Variants in MACROD2 observed in about 807,000 individuals in gnomAD.
MACROD2 encodes the protein ADP-ribose glycohydrolase MACROD2.
A neutral mutation model predicts 70.4 loss-of-function variants in MACROD2; 36 were observed. The observed-to-expected ratio is 0.51, with a 90% CI of 0.39 to 0.68. The LOEUF (loss-of-function observed/expected upper bound fraction) is 0.68. MACROD2 is among the 30% of genes least tolerant of loss of function. The probability of loss-of-function intolerance (pLI) is 0.00; values close to 1 mark genes in which losing one functional copy is unlikely to be tolerated. For missense variants in MACROD2, 496 were observed against 538.4 expected, an observed-to-expected ratio of 0.92 and a Z score of 0.78; for synonymous variants, 172 against 178.8, an observed-to-expected ratio of 0.96 and a Z score of 0.30.
intron 6 of MACROD2, chr20:15,280,682 G>A (rs927483196): frequency 6.6e-6 from 1 of 152,184 alleles, no homozygotes; most frequent in Non-Finnish European, 1.5e-5. Flanking sequence ...ATAAAATTCA[G>A]CCAAGTTAAC....
chr20:14,168,801 T>C (rs1402733337), intron 3 of MACROD2, among the ~76,000 whole-genome samples: 1 of 152,178 alleles, frequency 6.6e-6, no homozygotes, highest in Non-Finnish European at 1.5e-5. Flanking sequence ...ACCAATCCTA[T>C]TGACACTATT....
At chr20:15,318,464 C>T (rs766715291) in intron 6 of MACROD2, among the ~76,000 whole-genome samples, 1 of 152,122 alleles carries the variant, frequency 6.6e-6, no homozygotes, top group East Asian at 1.9e-4. Context: ...TGTTCTAACT[C>T]ATTCTATGTG....
chr20:15,324,763 G>T (rs1327121838), intron 6 of MACROD2, among the ~76,000 whole-genome samples: 2 of 152,112 alleles, frequency 1.3e-5, no homozygotes, highest in Non-Finnish European at 2.9e-5. Context: ...AACCACAAGG[G>T]AAGTAGAAAA....
chr20:14,660,180 A>AT (rs1046105432), intron 4 of MACROD2, among the ~76,000 whole-genome samples: 38 of 152,232 alleles, frequency 2.5e-4, no homozygotes, highest in African/African-American at 8.7e-4. Context: ...AGTTTGCCAC[A>AT]TTTAGATGTC....
At chr20:14,020,677 C>T (rs575546418) in intron 2 of MACROD2, among the ~76,000 whole-genome samples, 1 of 152,198 alleles carries the variant, frequency 6.6e-6, no homozygotes, top group African/African-American at 2.4e-5. Flanking sequence ...TGATTGAGTA[C>T]TTGTTGAAGG....
intron 10 of MACROD2, among the ~76,000 whole-genome samples, chr20:15,892,368 C>G (rs2064902810): frequency 6.6e-6 from 1 of 152,116 alleles, no homozygotes; most frequent in African/African-American, 2.4e-5. Context: ...AATTTATTTG[C>G]CCCCAAGGAT....
intron 3 of MACROD2, among the ~76,000 whole-genome samples, chr20:14,314,515 C>G (rs948338809): frequency 6.6e-6 from 1 of 152,156 alleles, no homozygotes; most frequent in Non-Finnish European, 1.5e-5. Flanking sequence ...AATCCCAACA[C>G]TTTGGGAGGC....
intron 3 of MACROD2, among the ~76,000 whole-genome samples, chr20:14,204,274 G>A (rs576538914): frequency 7.9e-4 from 120 of 152,244 alleles, no homozygotes; most frequent in African/African-American, 2.6e-3. Context: ...CTTGAGTATC[G>A]GATACTGTGT....
chr20:14,063,155 T>C (rs1242087572), intron 2 of MACROD2, among the ~76,000 whole-genome samples: 1 of 152,204 alleles, frequency 6.6e-6, no homozygotes, highest in African/African-American at 2.4e-5. Context: ...TTAAATGGCT[T>C]TCAAAAAAGG....
chr20:14,157,794 G>A (rs2065425757), intron 3 of MACROD2, among the ~76,000 whole-genome samples: 1 of 152,046 alleles, frequency 6.6e-6, no homozygotes, highest in Non-Finnish European at 1.5e-5. Context: ...ATTCCATTGT[G>A]TATAGCCACA....
intron 10 of MACROD2, among the ~76,000 whole-genome samples, chr20:15,904,104 G>A (rs2065106313): frequency 6.6e-6 from 1 of 152,160 alleles, no homozygotes; most frequent in Non-Finnish European, 1.5e-5. Context: ...TGTCCATCAT[G>A]TCTTCTTGCT....
At chr20:14,029,861 A>G (rs1227595053) in intron 2 of MACROD2, among the ~76,000 whole-genome samples, 1 of 152,158 alleles carries the variant, frequency 6.6e-6, no homozygotes, top group Admixed American at 6.6e-5. Context: ...TCTGTTATTG[A>G]TTGGAACACC....
chr20:14,120,702 G>A lies in MACROD2; in HGVS notation c.271+34974G>A, dbSNP rs2054576905. 2.7e-5 allele frequency among the ~76,000 whole-genome samples: 4 copies of A among 150,434 alleles called. No individual in the cohort carries two copies. In the Admixed American group the frequency reaches 2.7e-4, roughly 10 times the overall value. On this transcript the variant is annotated intron_variant, in intron 3 of 17. Transcript: ENST00000684519. ...CATGTATTATATATATATATATAAT[G>A]GAATACATGAAATCAGAACACCATG...
chr20:14,293,975 A>G (rs1190191899), intron 3 of MACROD2, among the ~76,000 whole-genome samples: 2 of 151,812 alleles, frequency 1.3e-5, no homozygotes, highest in Non-Finnish European at 1.5e-5. Flanking sequence ...TTTGAGTTTT[A>G]AAGGGCAGTG....
intron 8 of MACROD2, among the ~76,000 whole-genome samples, chr20:15,737,063 A>ATT (rs1210577264): frequency 2.6e-5 from 4 of 152,244 alleles, no homozygotes; most frequent in Non-Finnish European, 5.9e-5. Context: ...GGACTTAAAT[A>ATT]AAGAATTGAT....
chr20:14,619,035 T>G (rs1983646179), intron 4 of MACROD2, among the ~76,000 whole-genome samples: 1 of 151,960 alleles, frequency 6.6e-6, no homozygotes, highest in Admixed American at 6.6e-5. Flanking sequence ...TAATAAATGA[T>G]AAGCCCTTAA....
chr20:15,599,911 A>G (rs183396176), intron 8 of MACROD2, among the ~76,000 whole-genome samples: 16 of 152,274 alleles, frequency 1.1e-4, no homozygotes, highest in African/African-American at 3.9e-4. Context: ...CTAAGTATCC[A>G]GACCTTTTAA....
rs546018226 is a variant in MACROD2, at chr20:14,818,839, T to G, written c.418+133880T>G. Among the ~76,000 whole-genome samples the G allele has an allele frequency of 2.9e-4, 42 of 145,238 alleles. 1 individual carries two copies. In the East Asian group the frequency reaches 6.8e-3, roughly 23 times the overall value. ...CTCTTCCTTAGGTTTTTTTTTTTTT[T>G]TTTTTTTTTTTTGAGAGAGGAGATA... is the stretch of plus-strand genomic sequence containing the variant. On this transcript the variant is annotated intron_variant, in intron 5 of 17. Coordinates refer to ENST00000684519, the MANE Select transcript of MACROD2 (RefSeq NM_001351661.2).
intron 4 of MACROD2, among the ~76,000 whole-genome samples, chr20:14,674,200 A>T (rs1282758099): frequency 6.6e-6 from 1 of 152,092 alleles, no homozygotes; most frequent in East Asian, 1.9e-4. Flanking sequence ...TATGGTTTAT[A>T]TTTCCTTTCT....
Sources: gnomAD v4.1 joint callset for allele counts (sites outside exome capture counted in the v4.1 genomes callset) on GRCh38, gnomAD v4.1.1 for gene constraint, MANE v1.5 for transcripts, NCBI Gene and HGNC (gene_info 2026-07-23, HGNC 2026-07-21) for gene names.